The following TTC13 variants were observed in gnomAD, a reference collection of about 807,000 sequenced individuals.
The protein encoded by TTC13 is tetratricopeptide repeat protein 13.
A neutral mutation model predicts 120.0 loss-of-function variants in TTC13; 62 were observed. The ratio of observed to expected loss-of-function variants is 0.52; its 90% CI spans 0.42 to 0.64. TTC13 has a LOEUF of 0.64. Among genes scored for constraint, TTC13 ranks in the 30% least tolerant of loss-of-function variants. The pLI, the probability that TTC13 is intolerant of heterozygous loss-of-function variation, is 0.00. For missense variants in TTC13, 824 were observed against 1,050.2 expected (o/e 0.78, Z 2.98); for synonymous variants, 384 against 393.5 (o/e 0.98, Z 0.28).
intron 22 of TTC13, chr1:230,908,361 AT>A (rs887305333): frequency 8.8e-6 from 4 of 455,038 alleles, no homozygotes; most frequent in Admixed American, 2.4e-5. Flanking sequence ...CTAATTTTAA[AT>A]TTTTTTGTAG....
intron 17 of TTC13, among the ~76,000 whole-genome samples, chr1:230,918,534 G>A (rs563921546): frequency 5.3e-5 from 8 of 152,290 alleles, no homozygotes; most frequent in African/African-American, 1.4e-4. Context: ...TATTCTCTGT[G>A]AAGTTCATCT....
In TTC13 at chr1:230,945,449, C is replaced by A. The variant is rs1230581916; in HGVS notation, c.519G>T (p.Glu173Asp). 6.2e-7 allele frequency: 1 copy of A among 1,614,078 alleles called. No homozygotes were observed. Among genetic ancestry groups the A allele is most frequent in the East Asian group, 2.2e-5 (1 of 44,888 alleles). The change falls in exon 5 of 23, where the codon GAG (glutamate) becomes GAT (aspartate). Residue 173 changes from glutamate (E) to aspartate (D), a missense_variant. Transcript: ENST00000366661. Reference sequence around the variant, plus strand: ...CATAAATTGCACTAACCAGATCAGGCTCCTCCTAGTCAGACCAAAACAAAA... The same window carrying A: ...CATAAATTGCACTAACCAGATCAGGATCCTCCTAGTCAGACCAAAACAAAA... ...IRHFSTMLQE[E>D]PDLVSAIYGR... is the part of the protein sequence containing the mutation.
Position 230,944,637 on chromosome 1 carries a change from T to C in TTC13, c.580-739A>G, listed in dbSNP as rs575815677. On this transcript the variant is annotated intron_variant, in intron 5 of 22. Coordinates refer to ENST00000366661, the MANE Select transcript of TTC13 (RefSeq NM_024525.5). This position sits in a 1 kb window ranked among gnomAD's most constrained non-coding sequence, Gnocchi z 4.0. ...AGGCCAGCACAAGGTTAGTATAATA[T>C]TAATTGTAATATTTTATAAATTGTA... Among the ~76,000 whole-genome samples, 22 of 152,142 alleles carry C rather than the reference T, an allele frequency of 1.4e-4. No homozygotes were observed. The highest frequency in any genetic ancestry group is 1.4e-3 in the Admixed American group (21 of 15,290).
intron 11 of TTC13, 98 bp downstream of exon 11, chr1:230,931,200 G>A: frequency 7.5e-7 from 1 of 1,329,738 alleles, no homozygotes. Flanking sequence ...GCCTCTTTCA[G>A]ACTCCACTGT....
At chr1:230,907,974 A>T (rs1399753193) in intron 22 of TTC13, among the ~76,000 whole-genome samples, 3 of 152,262 alleles carry the variant, frequency 2.0e-5, no homozygotes, top group Non-Finnish European at 4.4e-5. Flanking sequence ...GACTCCTCAC[A>T]CACAGTGTCC....
rs753440723 is a variant in TTC13, at chr1:230,943,925, GAC to G, written c.580-29_580-28del. On this transcript the variant is annotated intron_variant, in intron 5 of 22. Coordinates refer to ENST00000366661, the MANE Select transcript of TTC13 (RefSeq NM_024525.5). ...TTGAAAAGGCATTAGCTTAGTATGA[GAC>G]ATACTGTTACTCAAAACCAGGCTGA... 3 of 1,520,388 alleles carry G rather than the reference GAC, an allele frequency of 2.0e-6. No homozygotes were observed. The East Asian group carries it at 6.9e-5, about 35-fold the overall frequency. 94.2% of individuals were successfully genotyped at this position (1,520,388 alleles called of 1,614,324 possible).
chr1:230,914,122 C>T (rs1470991363), intron 18 of TTC13, among the ~76,000 whole-genome samples: 2 of 152,058 alleles, frequency 1.3e-5, no homozygotes, highest in Non-Finnish European at 2.9e-5. Context: ...GCAAGGGAGG[C>T]AACAAGTGAG....
chr1:230,950,428 C>CA (rs139118120), intron 4 of TTC13, among the ~76,000 whole-genome samples: 20,366 of 147,158 alleles, frequency 0.14, 1,381 homozygotes, highest in Non-Finnish European at 0.16. Context: ...TCTCAATTCG[C>CA]AAAAAAAAAA....
At chr1:230,914,832 G>A (rs1445140813) in intron 18 of TTC13, among the ~76,000 whole-genome samples, 1 of 152,156 alleles carries the variant, frequency 6.6e-6, no homozygotes, top group Non-Finnish European at 1.5e-5. Context: ...AGGCTATTAA[G>A]TTTTGGGGTA....
intron 9 of TTC13, among the ~76,000 whole-genome samples, chr1:230,933,268 C>T (rs982406830): frequency 3.9e-5 from 6 of 151,958 alleles, no homozygotes; most frequent in South Asian, 2.1e-4. Flanking sequence ...CCACCGCTCC[C>T]GGCTTACTTT....
chr1:230,909,302 G>C lies in TTC13; in HGVS notation c.2310-282C>G, dbSNP rs563663717. 1.1e-4 allele frequency among the ~76,000 whole-genome samples: 17 copies of C among 152,188 alleles called. No individual in the cohort carries two copies. In the East Asian group the frequency reaches 3.3e-3, roughly 29 times the overall value. On this transcript the variant is annotated intron_variant, in intron 20 of 22. Coordinates refer to ENST00000366661, the MANE Select transcript of TTC13 (RefSeq NM_024525.5). Reference sequence around the variant, plus strand: ...GCGGATCGCTTGAGGTCAGGAGTTTGACAGCAACATGGCGAAACCCTGTCT... The same window carrying C: ...GCGGATCGCTTGAGGTCAGGAGTTTCACAGCAACATGGCGAAACCCTGTCT...
At chr1:230,914,494 A>C (rs1353364314) in intron 18 of TTC13, among the ~76,000 whole-genome samples, 2 of 152,080 alleles carry the variant, frequency 1.3e-5, no homozygotes, top group African/African-American at 4.8e-5. Context: ...TCATGGGTTC[A>C]AGCGATTCTC....
chr1:230,936,291 C>T (rs1674050372), intron 8 of TTC13: 1 of 453,828 alleles, frequency 2.2e-6, no homozygotes, highest in Non-Finnish European at 4.4e-6. Context: ...ATAGTAGAAT[C>T]AAGATTTTAA....
chr1:230,959,211 T>C (rs1558214767), intron 2 of TTC13, among the ~76,000 whole-genome samples: 1 of 152,220 alleles, frequency 6.6e-6, no homozygotes, highest in Non-Finnish European at 1.5e-5. Context: ...GTCTACCATT[T>C]GCCAAGCCTT....
chr1:230,934,859 C>T (rs1443426525), intron 8 of TTC13, among the ~76,000 whole-genome samples: 1 of 152,188 alleles, frequency 6.6e-6, no homozygotes, highest in Non-Finnish European at 1.5e-5. Flanking sequence ...ATACCTTGTA[C>T]ATGGTAGGCA....
chr1:230,939,509 G>A lies in TTC13; in HGVS notation c.790-13C>T. 6.5e-7 allele frequency: 1 copy of A among 1,532,064 alleles called. No individual in the cohort carries two copies. 94.9% of individuals were successfully genotyped at this position (1,532,064 alleles called of 1,614,324 possible). On this transcript the variant is annotated splice_polypyrimidine_tract_variant and intron_variant, in intron 7 of 22. Transcript: ENST00000366661. ...CTGTTGCATAGTCCTACAAAAAGGA[G>A]AGTGGGGGGAAAAATAAAATAGTAT...
intron 15 of TTC13, among the ~76,000 whole-genome samples, chr1:230,923,306 CA>C (rs1328280353): frequency 6.6e-6 from 1 of 152,150 alleles, no homozygotes; most frequent in Non-Finnish European, 1.5e-5. Flanking sequence ...CCCCAACTAG[CA>C]GAGCCTCTGG....
chr1:230,911,583 TA>T, intron 19 of TTC13, 34 bp from the exon 20 acceptor site: 1 of 1,394,406 alleles, frequency 7.2e-7, no homozygotes, highest in Non-Finnish European at 9.9e-7. Flanking sequence ...ATAAATACTA[TA>T]AAGATTACAA....
chr1:230,909,801 T>C (rs1040086672), intron 20 of TTC13, among the ~76,000 whole-genome samples: 1 of 152,090 alleles, frequency 6.6e-6, no homozygotes, highest in African/African-American at 2.4e-5. Context: ...CAGGGGATTG[T>C]GGGGTACCTT....
Sources: gnomAD v4.1 joint callset for allele counts (sites outside exome capture counted in the v4.1 genomes callset) on GRCh38, gnomAD v4.1.1 for gene constraint, Gnocchi (gnomAD v3.1) non-coding constraint, MANE v1.5 for transcripts, NCBI Gene and HGNC (gene_info 2026-07-23, HGNC 2026-07-21) for gene names.